Variants in CCDC27 observed in about 807,000 individuals in gnomAD.
CCDC27 encodes coiled-coil domain containing 27.
A neutral mutation model predicts 80.3 loss-of-function variants in CCDC27; 80 were observed. The observed-to-expected ratio is 1.00, with a 90% confidence interval of 0.83 to 1.20. CCDC27 has a LOEUF of 1.20. Among genes scored for constraint, CCDC27 ranks in the 50% most tolerant of loss-of-function variants. The probability of loss-of-function intolerance (pLI) is 0.00; values close to 1 mark genes in which losing one functional copy is unlikely to be tolerated. For missense variants in CCDC27, 815 were observed against 809.4 expected (o/e 1.01, Z -0.08); for synonymous variants, 342 against 334.3 (o/e 1.02, Z -0.25).
At chr1:3,755,977 G>C (rs769600228) in intron 3 of CCDC27, 41 of 194,006 alleles carry the variant, frequency 2.1e-4, no homozygotes, top group Middle Eastern at 2.4e-3. Flanking sequence ...AGGAAACCTA[G>C]AGTCTGTAGT....
intron 8 of CCDC27, among the ~76,000 whole-genome samples, chr1:3,765,967 T>G (rs529407453): frequency 5.9e-5 from 9 of 151,420 alleles, no homozygotes; most frequent in Admixed American, 3.3e-4. Flanking sequence ...CTCTCCAGAG[T>G]CGGGTGATCC....
chr1:3,764,179 G>C (rs555405913), intron 8 of CCDC27, among the ~76,000 whole-genome samples: 3 of 152,198 alleles, frequency 2.0e-5, no homozygotes, highest in Admixed American at 6.5e-5. Context: ...TCCGTGCTTA[G>C]AGAGACTGCT....
chr1:3,770,184 C>T (rs972391571), intron 11 of CCDC27, among the ~76,000 whole-genome samples: 1 of 152,266 alleles, frequency 6.6e-6, no homozygotes, highest in Admixed American at 6.5e-5. Context: ...GGAGAGGGGA[C>T]AAGCCGCTCA....
At position 3,756,726 on chromosome 1, in the gene CCDC27, G is replaced by A. The variant is rs375649109; in HGVS notation, c.554-7G>A. 86 of 1,613,360 alleles carry A rather than the reference G, an allele frequency of 5.3e-5. No individual in the cohort carries two copies. The highest frequency in any genetic ancestry group is 5.0e-5 in the Non-Finnish European group (59 of 1,179,670). ...CATTTCTCACTTGGCCTCCGCTGTC[G>A]CCACAGGGTACCTCCTTCCCTTCAG... On this transcript the variant is annotated splice_polypyrimidine_tract_variant and splice_region_variant and intron_variant, in intron 3 of 11. Coordinates refer to ENST00000294600, the MANE Select transcript of CCDC27 (RefSeq NM_152492.3).
At chr1:3,752,822 C>A in intron 1 of CCDC27, 23 bp downstream of exon 1, 3 of 1,601,704 alleles carry the variant, frequency 1.9e-6, no homozygotes, top group Middle Eastern at 1.7e-4. Flanking sequence ...GGGAGGAGGG[C>A]TGCCACGAGC....
At position 3,763,241 on chromosome 1, in the gene CCDC27, G is replaced by T. The variant is rs747702770; in HGVS notation, c.1088G>T (p.Gly363Val). 1.3e-6 allele frequency: 2 copies of T among 1,561,580 alleles called. No individual in the cohort carries two copies. The highest frequency in any genetic ancestry group is 1.2e-5 in the South Asian group (1 of 84,596). Residue 363 changes from glycine (G) to valine (V), a missense_variant, in exon 7 of 12, where the codon GGA (glycine) becomes GTA (valine). Physicochemically the swap from Gly to Val is moderately radical, Grantham distance 109 (BLOSUM62 -3). Transcript: ENST00000294600. This position sits in a 1 kb window ranked among gnomAD's most constrained non-coding sequence, Gnocchi z 7.5. The stretch of plus-strand genomic sequence containing the variant: ...GCCTGGGGAGGTGTGAGCCAGATGG[G>T]ATCCGTGCATGAGGAGGGAAGCGAG... ...TGAWGGVSQM[G>V]SVHEEGSEEE...
Position 3,754,185 on chromosome 1 carries a change from C to T in CCDC27, c.386C>T (p.Pro129Leu). Residue 129 changes from proline to leucine, a missense_variant, in exon 2 of 12, where the codon CCC becomes CTC. Coordinates refer to ENST00000294600, the MANE Select transcript of CCDC27 (RefSeq NM_152492.3). Reference protein sequence around the residue: ...MSKMELRRVFPTHPDCPQFST... With the variant: ...MSKMELRRVFLTHPDCPQFST... ...AAAATGGAACTTCGAAGGGTCTTCC[C>T]CACGCATCCTGACTGCCCCCAGTTC... 7.4e-6 allele frequency: 12 copies of T among 1,613,752 alleles called. No individual in the cohort carries two copies. The highest frequency in any genetic ancestry group is 1.0e-5 in the Non-Finnish European group (12 of 1,179,892).
Position 3,771,458 on chromosome 1 carries a change from G to C in CCDC27, c.1906G>C (p.Val636Leu), listed in dbSNP as rs1052113299. 1.2e-6 allele frequency: 2 copies of C among 1,614,026 alleles called. No individual in the cohort carries two copies. Among genetic ancestry groups the C allele is most frequent in the East Asian group, 2.2e-5 (1 of 44,886 alleles). Residue 636 changes from valine (V) to leucine (L), a missense_variant, in exon 12 of 12, where the codon GTG becomes CTG. Transcript: ENST00000294600. ...YNQLKQKGVK[V>L]PPLQQSEAFL... is the part of the protein sequence containing the mutation. ...TCAGCTGAAGCAGAAAGGCGTCAAAGTGCCCCCCCTGCAACAGTCAGAGGC... is the reference window on the plus strand; with the variant it reads ...TCAGCTGAAGCAGAAAGGCGTCAAACTGCCCCCCCTGCAACAGTCAGAGGC...
In CCDC27 at chr1:3,767,370, T is replaced by C. The variant is rs374513678; in HGVS notation, c.1668T>C (p.Asp556=). 1 of 1,613,884 alleles carries C rather than the reference T, an allele frequency of 6.2e-7. No individual in the cohort carries two copies. The highest frequency in any genetic ancestry group is 8.5e-7 in the Non-Finnish European group (1 of 1,180,026). Residue 556 remains aspartate (D), a synonymous_variant, in exon 10 of 12, where the codon GAT becomes GAC. Transcript: ENST00000294600. The part of the protein sequence containing the change: ...HLQRWKQLQE[D]LQSKKEMIQQ... ...AGAGGTGGAAGCAGCTGCAGGAGGA[T>C]TTGCAGAGCAAGAAGGAGATGATTC...
At position 3,769,020 on chromosome 1, in the gene CCDC27, C is replaced by A. The variant is rs1266127872; in HGVS notation, c.1744-763C>A. Among the ~76,000 whole-genome samples the A allele has an allele frequency of 2.0e-5, 3 of 152,216 alleles. No individual in the cohort carries two copies. Among genetic ancestry groups the A allele is most frequent in the Non-Finnish European group, 4.4e-5 (3 of 68,040 alleles). ...GACATGCTTCCACTCGGAGGCAAGG[C>A]TGAGCCTCTCGGGCCCAGCTCCTGT... On this transcript the variant is annotated intron_variant, in intron 10 of 11. Transcript: ENST00000294600. The surrounding 1 kb of genome is among the most constrained non-coding windows in gnomAD (Gnocchi z 4.6).
At chr1:3,767,677 G>A (rs1643264765) in intron 10 of CCDC27, among the ~76,000 whole-genome samples, 1 of 152,266 alleles carries the variant, frequency 6.6e-6, no homozygotes, top group Admixed American at 6.5e-5. Context: ...GGCAGTGGTG[G>A]GCGGAGCCCC....
chr1:3,765,045 A>T (rs1285398104), intron 8 of CCDC27, among the ~76,000 whole-genome samples: 2 of 152,124 alleles, frequency 1.3e-5, no homozygotes, highest in Non-Finnish European at 2.9e-5. Flanking sequence ...CAAAAAAAAA[A>T]AAAAAAACGA....
In CCDC27 at chr1:3,761,306, T is replaced by A. The variant is rs1219341965; in HGVS notation, c.737T>A (p.Ile246Lys). ...EKDHCLSELEIQVQKKDEEIL... is the reference protein window; with the variant it reads ...EKDHCLSELEKQVQKKDEEIL... ...GATCACTGCCTGTCTGAGCTGGAGA[T>A]ACAGGTTCAGAAGAAAGACGAGGAG... Residue 246 changes from isoleucine (I) to lysine (K), a missense_variant, in exon 5 of 12, where the codon ATA (isoleucine) becomes AAA (lysine). Coordinates refer to ENST00000294600, the MANE Select transcript of CCDC27 (RefSeq NM_152492.3). This position sits in a 1 kb window ranked among gnomAD's most constrained non-coding sequence, Gnocchi z 5.0. 8.1e-6 allele frequency: 13 copies of A among 1,613,998 alleles called. No individual in the cohort carries two copies. In the East Asian group the frequency reaches 2.9e-4, roughly 36 times the overall value.
intron 11 of CCDC27, 132 bp downstream of exon 11, chr1:3,770,019 C>A: frequency 1.5e-6 from 1 of 675,616 alleles, no homozygotes. Context: ...TTCACTTGGA[C>A]CCCAGGACCC....
At position 3,752,689 on chromosome 1, in the gene CCDC27, C is replaced by T; in HGVS notation, c.208C>T (p.Leu70Phe). 1.2e-6 allele frequency: 2 copies of T among 1,614,048 alleles called. No individual in the cohort carries two copies. Among genetic ancestry groups the T allele is most frequent in the Non-Finnish European group, 1.7e-6 (2 of 1,180,048 alleles). ...SSSMARALVL[L>F]QSMASRDARC... Reference sequence around the variant, plus strand: ...CTCGATGGCCAGGGCCCTGGTGCTCCTCCAGAGCATGGCCAGCCGGGACGC... The same window carrying T: ...CTCGATGGCCAGGGCCCTGGTGCTCTTCCAGAGCATGGCCAGCCGGGACGC... Residue 70 changes from leucine to phenylalanine, a missense_variant, in exon 1 of 12, where the codon CTC becomes TTC. Physicochemically the swap from Leu to Phe is conservative, Grantham distance 22. Coordinates refer to ENST00000294600, the MANE Select transcript of CCDC27 (RefSeq NM_152492.3).
chr1:3,767,970 G>A (rs1255621696), intron 10 of CCDC27, among the ~76,000 whole-genome samples: 1 of 152,120 alleles, frequency 6.6e-6, no homozygotes, highest in Admixed American at 6.5e-5. Flanking sequence ...GTGGTGCTGG[G>A]ATTTGGCAGT....
chr1:3,762,866 G>A (rs1041429278), intron 6 of CCDC27, 154 bp downstream of exon 6: 26 of 819,686 alleles, frequency 3.2e-5, no homozygotes, highest in South Asian at 7.3e-5. Context: ...TGGGTGGGTC[G>A]TTAGCCCCCT....
In CCDC27 at chr1:3,766,697, G is replaced by A; in HGVS notation, c.1530+85G>A. 1 of 1,141,592 alleles carries A rather than the reference G, an allele frequency of 8.8e-7. No individual in the cohort carries two copies. Among genetic ancestry groups the A allele is most frequent in the Non-Finnish European group, 1.3e-6 (1 of 776,060 alleles). 70.7% of individuals were successfully genotyped at this position (1,141,592 alleles called of 1,614,324 possible). ...ACACAGCAAAGGGCAAGACGGGGCT[G>A]GAGCGTCTTCACAGCTGAGCCAGGA... On this transcript the variant is annotated intron_variant, in intron 9 of 11. Transcript: ENST00000294600. The surrounding 1 kb of genome is among the most constrained non-coding windows in gnomAD (Gnocchi z 6.1).
intron 5 of CCDC27, 38 bp from the exon 6 acceptor site, chr1:3,762,582 G>A (rs4648556): frequency 0.24 from 367,401 of 1,513,120 alleles, 47,056 homozygotes; most frequent in Middle Eastern, 0.31. Context: ...TGCTGCAGGA[G>A]GGGCTGGAAA....
Sources: gnomAD v4.1 joint callset for allele counts (sites outside exome capture counted in the v4.1 genomes callset) on GRCh38, gnomAD v4.1.1 for gene constraint, Gnocchi (gnomAD v3.1) non-coding constraint, MANE v1.5 for transcripts, NCBI Gene and HGNC (gene_info 2026-07-23, HGNC 2026-07-21) for gene names.